The following TLN2 variants were observed in gnomAD, a reference collection of about 807,000 sequenced individuals.
TLN2 encodes talin-2.
Under a neutral mutation model 294.7 loss-of-function variants are expected in TLN2, and 118 were observed. The observed-to-expected ratio is 0.40, with a 90% CI of 0.34 to 0.47. The LOEUF is 0.47. Ranked by LOEUF, TLN2 falls within the 20% of genes least tolerant of loss-of-function variation. The pLI is 0.84. For missense variants in TLN2, 3,083 were observed against 3,282.2 expected (o/e 0.94, Z 1.48); for synonymous variants, 1,431 against 1,304.5 (o/e 1.10, Z -2.09).
At position 62,736,956 on chromosome 15, in the gene TLN2, A is replaced by T; in HGVS notation, c.3437A>T (p.Asp1146Val). 1 of 1,613,830 alleles carries T rather than the reference A, an allele frequency of 6.2e-7. No individual in the cohort carries two copies. The highest frequency in any genetic ancestry group is 8.5e-7 in the Non-Finnish European group (1 of 1,179,980). The change falls in exon 29 of 59, where the codon GAC becomes GTC. Residue 1146 changes from aspartate (D) to valine (V), a missense_variant. Asp to Val is a radical substitution (Grantham distance 152). Coordinates refer to ENST00000636159, the MANE Select transcript of TLN2 (RefSeq NM_015059.3). ...AARGVAASTT[D>V]PAAAHAMLDS... ...CGTGGAGTGGCTGCATCGACAACCG[A>T]CCCCGCGGCCGCCCATGCCATGTTA...
chr15:62,818,073 G>C (rs2067258039), intron 52 of TLN2, among the ~76,000 whole-genome samples: 1 of 152,100 alleles, frequency 6.6e-6, no homozygotes, highest in Admixed American at 6.5e-5. Flanking sequence ...GCCTCCCAAA[G>C]TGCTGGGATT....
chr15:62,737,480 ACTT>A (rs2061088158), intron 29 of TLN2, among the ~76,000 whole-genome samples: 2 of 152,144 alleles, frequency 1.3e-5, no homozygotes, highest in Admixed American at 1.3e-4. Context: ...GCGCTCTATT[ACTT>A]CTTTAAATGA....
intron 1 of TLN2, among the ~76,000 whole-genome samples, chr15:62,444,323 T>G (rs1402708261): frequency 6.6e-6 from 1 of 152,262 alleles, no homozygotes; most frequent in Non-Finnish European, 1.5e-5. Context: ...GGACCATATC[T>G]TCAGATGACT....
At position 62,819,561 on chromosome 15, in the gene TLN2, T is replaced by C; in HGVS notation, c.6817T>C (p.Phe2273Leu). Residue 2273 changes from phenylalanine (F) to leucine (L), a missense_variant, in exon 53 of 59, where the codon TTC (phenylalanine) becomes CTC (leucine). Phe to Leu is a conservative substitution (Grantham distance 22, BLOSUM62 0). Coordinates refer to ENST00000636159, the MANE Select transcript of TLN2 (RefSeq NM_015059.3). The part of the protein sequence containing the change: ...TPEFKQQLAA[F>L]SKRVAGAVTE... ...AGAATTCAAGCAGCAGCTGGCCGCTTTCTCCAAGCGAGTCGCCGGCGCTGT... is the reference window on the plus strand; with the variant it reads ...AGAATTCAAGCAGCAGCTGGCCGCTCTCTCCAAGCGAGTCGCCGGCGCTGT... The C allele has an allele frequency of 6.2e-7, 1 of 1,613,902 alleles. No homozygotes were observed. The highest frequency in any genetic ancestry group is 8.5e-7 in the Non-Finnish European group (1 of 1,180,024).
chr15:62,442,023 G>A (rs760435636), intron 1 of TLN2, among the ~76,000 whole-genome samples: 6 of 152,096 alleles, frequency 3.9e-5, no homozygotes, highest in African/African-American at 7.2e-5. Flanking sequence ...GTTTCCTTTA[G>A]TGCTGTGAGT....
chr15:62,792,845 G>T (rs139966397), intron 46 of TLN2, 58 bp downstream of exon 46: 4 of 1,593,782 alleles, frequency 2.5e-6, no homozygotes, highest in Admixed American at 1.8e-5. Flanking sequence ...TCAGTGATCC[G>T]CTGTAATCAA....
At chr15:62,626,436 T>C (rs6494328) in intron 3 of TLN2, among the ~76,000 whole-genome samples, 139,846 of 152,240 alleles carry the variant, frequency 0.92, 64,235 homozygotes, top group Admixed American at 0.94. Flanking sequence ...AAGATTCAGG[T>C]GGGCCAAAGC....
Position 62,694,378 on chromosome 15 carries a change from C to T in TLN2, c.1278C>T (p.Ser426=), listed in dbSNP as rs140582507. 162 of 1,613,846 alleles carry T rather than the reference C, an allele frequency of 1.0e-4. No homozygotes were observed. Among genetic ancestry groups the T allele is most frequent in the African/African-American group, 5.7e-4 (43 of 75,008 alleles). The stretch of plus-strand genomic sequence containing the variant: ...AGGAGTCAACCATGTTAGAAGAGTC[C>T]GTTTCCCCAAAAAAGTAAGTATTAT... The part of the protein sequence containing the change: ...GDEESTMLEE[S]VSPKKSTILQ... Residue 426 remains serine, a synonymous_variant, in exon 14 of 59, where the codon TCC becomes TCT. Transcript: ENST00000636159.
intron 20 of TLN2, 84 bp from the exon 21 acceptor site, chr15:62,708,418 G>C: frequency 7.0e-7 from 1 of 1,434,816 alleles, no homozygotes; most frequent in Non-Finnish European, 9.6e-7. Context: ...AGAGCAGGAA[G>C]GGCTTTGATG....
At chr15:62,767,739 C>G (rs1448062989) in intron 41 of TLN2, among the ~76,000 whole-genome samples, 1 of 152,214 alleles carries the variant, frequency 6.6e-6, no homozygotes, top group East Asian at 1.9e-4. Flanking sequence ...ATGGTCTGGA[C>G]ACTGGGGCCA....
intron 14 of TLN2, among the ~76,000 whole-genome samples, chr15:62,696,477 C>T (rs989231970): frequency 9.9e-5 from 15 of 152,282 alleles, no homozygotes; most frequent in East Asian, 7.7e-4. Context: ...GAGGCTGAGG[C>T]GGGTGGTTCA....
intron 3 of TLN2, among the ~76,000 whole-genome samples, chr15:62,619,908 A>C (rs1014523924): frequency 1.3e-5 from 2 of 152,198 alleles, no homozygotes; most frequent in Non-Finnish European, 1.5e-5. Context: ...CAACCAGCCC[A>C]AAATGGCAGA....
chr15:62,429,439 A>G (rs2034896574), intron 1 of TLN2, among the ~76,000 whole-genome samples: 1 of 152,126 alleles, frequency 6.6e-6, no homozygotes, highest in African/African-American at 2.4e-5. Flanking sequence ...TGTGGTTTCT[A>G]GCTGGTGAGA....
At chr15:62,518,981 G>C (rs1362408318) in intron 1 of TLN2, among the ~76,000 whole-genome samples, 1 of 152,198 alleles carries the variant, frequency 6.6e-6, no homozygotes. Context: ...ACAGTTCTAA[G>C]CAGGATTAGA....
intron 1 of TLN2, among the ~76,000 whole-genome samples, chr15:62,483,710 CTA>C (rs994363137): frequency 3.9e-5 from 6 of 152,170 alleles, no homozygotes; most frequent in African/African-American, 1.4e-4. Flanking sequence ...TTGATAAAAG[CTA>C]TGAGTCTTGG....
intron 3 of TLN2, among the ~76,000 whole-genome samples, chr15:62,631,086 T>C (rs2049769579): frequency 6.6e-6 from 1 of 152,074 alleles, no homozygotes; most frequent in African/African-American, 2.4e-5. Flanking sequence ...GGAATATGGA[T>C]ATATAACCAA....
At chr15:62,506,793 A>G (rs1321010153) in intron 1 of TLN2, among the ~76,000 whole-genome samples, 1 of 152,262 alleles carries the variant, frequency 6.6e-6, no homozygotes, top group East Asian at 1.9e-4. Context: ...AGAGCAGGAA[A>G]CTATCTTTTC....
At chr15:62,581,140 A>AG (rs2044973403) in intron 1 of TLN2, among the ~76,000 whole-genome samples, 2 of 152,118 alleles carry the variant, frequency 1.3e-5, no homozygotes, top group Non-Finnish European at 2.9e-5. Context: ...TTGGCCTCCT[A>AG]AAGTGCCATG....
intron 3 of TLN2, among the ~76,000 whole-genome samples, chr15:62,620,542 G>A (rs117390337): frequency 0.018 from 2,685 of 146,278 alleles, 34 homozygotes; most frequent in Non-Finnish European, 0.025. Context: ...GCAGTGGCAT[G>A]AACACAGCTC....
Sources: gnomAD v4.1 joint callset for allele counts (sites outside exome capture counted in the v4.1 genomes callset) on GRCh38, gnomAD v4.1.1 for gene constraint, MANE v1.5 for transcripts, NCBI Gene and HGNC (gene_info 2026-07-23, HGNC 2026-07-21) for gene names.